The following RSBN1L variants were observed in gnomAD, a reference collection of about 807,000 sequenced individuals.
The protein encoded by RSBN1L is round spermatid basic protein 1 like.
In RSBN1L, 30 loss-of-function variants were observed where a neutral mutation model predicts 67.7. The ratio of observed to expected loss-of-function variants is 0.44; its 90% CI spans 0.33 to 0.60. The LOEUF is 0.60. RSBN1L is among the 20% of genes least tolerant of loss of function. The pLI is 0.02. For synonymous variants in RSBN1L, 433 were observed against 387.0 expected, an observed-to-expected ratio of 1.12 and a Z score of -1.39; for missense variants, 992 against 1,031.7, an observed-to-expected ratio of 0.96 and a Z score of 0.53.
chr7:77,774,277 A>T (rs532532176), intron 6 of RSBN1L, among the ~76,000 whole-genome samples: 2 of 152,324 alleles, frequency 1.3e-5, no homozygotes, highest in East Asian at 3.9e-4. Context: ...TTGATAAAAC[A>T]TATAAAGCAA....
intron 6 of RSBN1L, 46 bp from the exon 7 acceptor site, chr7:77,778,292 G>A (rs1162934071): frequency 3.0e-6 from 4 of 1,331,342 alleles, no homozygotes; most frequent in Non-Finnish European, 4.2e-6. Context: ...ACTCAAAAGA[G>A]TGAAGCATTT....
intron 1 of RSBN1L, among the ~76,000 whole-genome samples, chr7:77,713,895 A>G (rs966253577): frequency 6.6e-6 from 1 of 152,186 alleles, no homozygotes; most frequent in Non-Finnish European, 1.5e-5. Flanking sequence ...ATATGACATT[A>G]TTGATTAAAA....
intron 1 of RSBN1L, among the ~76,000 whole-genome samples, chr7:77,711,977 G>A (rs1790980535): frequency 1.3e-5 from 2 of 152,120 alleles, no homozygotes; most frequent in Admixed American, 1.3e-4. Context: ...GTGAGGGTAA[G>A]GGTCTTCATC....
At chr7:77,755,364 A>T (rs531916472) in intron 3 of RSBN1L, among the ~76,000 whole-genome samples, 1 of 152,298 alleles carries the variant, frequency 6.6e-6, no homozygotes, top group East Asian at 1.9e-4. Context: ...TTGAAAATGC[A>T]TTTAAAACTC....
intron 3 of RSBN1L, among the ~76,000 whole-genome samples, chr7:77,760,518 T>A (rs1175285545): frequency 1.3e-5 from 2 of 152,190 alleles, no homozygotes; most frequent in Non-Finnish European, 2.9e-5. Context: ...GCCTGTCTTT[T>A]ATTGTGTTCT....
At position 77,728,546 on chromosome 7, in the gene RSBN1L, C is replaced by T. The variant is rs370624502; in HGVS notation, c.587-7864C>T. ...GTGGAGCTTGCCTCCTATGGTGTGG[C>T]GCTGCTCAACAGCCACCCTGATTTG... On this transcript the variant is annotated intron_variant, in intron 1 of 7. Coordinates refer to ENST00000334955, the MANE Select transcript of RSBN1L (RefSeq NM_198467.3). 5.1e-4 allele frequency among the ~76,000 whole-genome samples: 77 copies of T among 152,270 alleles called. 1 individual carries two copies. In the South Asian group the frequency reaches 0.015, roughly 30 times the overall value.
chr7:77,770,596 G>T (rs907208960), intron 5 of RSBN1L, among the ~76,000 whole-genome samples: 4 of 151,962 alleles, frequency 2.6e-5, no homozygotes, highest in Non-Finnish European at 4.4e-5. Flanking sequence ...GTCAAGGGCT[G>T]CTTGAGCCCA....
At chr7:77,752,341 T>G (rs887259016) in intron 3 of RSBN1L, among the ~76,000 whole-genome samples, 1 of 152,232 alleles carries the variant, frequency 6.6e-6, no homozygotes, top group Non-Finnish European at 1.5e-5. Flanking sequence ...TTTGCTTCTT[T>G]AGCTTTAGAC....
intron 5 of RSBN1L, among the ~76,000 whole-genome samples, chr7:77,772,809 G>A (rs901679511): frequency 1.3e-5 from 2 of 152,162 alleles, no homozygotes; most frequent in East Asian, 1.9e-4. Context: ...ATTTGTTTCA[G>A]ATATATATCT....
intron 1 of RSBN1L, among the ~76,000 whole-genome samples, chr7:77,717,022 G>A (rs1236407447): frequency 2.0e-5 from 3 of 151,032 alleles, no homozygotes; most frequent in African/African-American, 4.9e-5. Context: ...GTGCAGTGGC[G>A]TAATCATAGC....
chr7:77,747,026 C>T (rs776328928), intron 2 of RSBN1L, among the ~76,000 whole-genome samples: 9 of 152,114 alleles, frequency 5.9e-5, no homozygotes, highest in East Asian at 1.9e-4. Context: ...TTTTCAAGTG[C>T]GTGGTGCAAG....
At chr7:77,716,820 C>T (rs748270695) in intron 1 of RSBN1L, among the ~76,000 whole-genome samples, 8 of 151,550 alleles carry the variant, frequency 5.3e-5, no homozygotes, top group South Asian at 2.1e-4. Flanking sequence ...TTAGTAGAGA[C>T]GGGGTTTCAC....
chr7:77,740,711 GT>G (rs200720179), intron 2 of RSBN1L, among the ~76,000 whole-genome samples: 10 of 151,638 alleles, frequency 6.6e-5, no homozygotes, highest in African/African-American at 1.2e-4. Flanking sequence ...GATCTTAAAA[GT>G]TTTTTTTTAT....
At chr7:77,761,975 T>C (rs1791702141) in intron 3 of RSBN1L, among the ~76,000 whole-genome samples, 1 of 152,174 alleles carries the variant, frequency 6.6e-6, no homozygotes, top group South Asian at 2.1e-4. Flanking sequence ...CCGTTTTGTT[T>C]TAAACATGTG....
chr7:77,749,370 A>G, intron 2 of RSBN1L, 54 bp from the exon 3 acceptor site: 1 of 1,317,298 alleles, frequency 7.6e-7, no homozygotes, highest in Non-Finnish European at 1.0e-6. Context: ...TTCCTAAAGC[A>G]TGGTTTTTAA....
At chr7:77,717,012 G>A (rs1477363991) in intron 1 of RSBN1L, among the ~76,000 whole-genome samples, 1 of 151,306 alleles carries the variant, frequency 6.6e-6, no homozygotes, top group East Asian at 1.9e-4. Context: ...CCAGGCTGGA[G>A]TGCAGTGGCG....
chr7:77,697,070 G>A lies in RSBN1L; in HGVS notation c.586+15G>A. 1.4e-6 allele frequency: 2 copies of A among 1,386,688 alleles called. No individual in the cohort carries two copies. The highest frequency in any genetic ancestry group is 1.6e-5 in the South Asian group (1 of 62,242). 85.9% of individuals were successfully genotyped at this position (1,386,688 alleles called of 1,614,324 possible). A position where few individuals can be genotyped will look rare whatever the true frequency, so the allele number is the denominator to read the frequency against. On this transcript the variant is annotated intron_variant, in intron 1 of 7. Coordinates refer to ENST00000334955, the MANE Select transcript of RSBN1L (RefSeq NM_198467.3). Reference sequence around the variant, plus strand: ...GCTGCCCCGAGGTGGGTGCCGTGCGGGGAGGGGGAGGGGAGGGCGCCGTGG... The same window carrying A: ...GCTGCCCCGAGGTGGGTGCCGTGCGAGGAGGGGGAGGGGAGGGCGCCGTGG...
intron 2 of RSBN1L, among the ~76,000 whole-genome samples, chr7:77,743,848 T>C (rs932540649): frequency 1.3e-5 from 2 of 152,112 alleles, no homozygotes; most frequent in Non-Finnish European, 2.9e-5. Flanking sequence ...TTTTTTTGAT[T>C]GTTTCATCTT....
intron 2 of RSBN1L, among the ~76,000 whole-genome samples, chr7:77,745,038 G>C (rs898335273): frequency 6.6e-6 from 1 of 152,196 alleles, no homozygotes; most frequent in African/African-American, 2.4e-5. Flanking sequence ...GAGGCGGGTG[G>C]ATCACTGGAG....
Sources: allele counts gnomAD v4.1 joint callset (sites outside exome capture counted in the v4.1 genomes callset), GRCh38; gene constraint gnomAD v4.1.1; transcripts MANE v1.5; gene names NCBI Gene and HGNC (gene_info 2026-07-23, HGNC 2026-07-21).